CCSER1: variants seen among roughly 807,000 people sequenced by gnomAD.
The protein encoded by CCSER1 is serine-rich coiled-coil domain-containing protein 1.
A neutral mutation model predicts 82.0 loss-of-function variants in CCSER1; 41 were observed. The observed-to-expected ratio is 0.50, with a 90% CI of 0.39 to 0.65. The LOEUF is 0.65. Ranked by LOEUF, CCSER1 falls within the 30% of genes least tolerant of loss-of-function variation. The pLI is 0.00. For missense variants in CCSER1, 1,119 were observed against 1,064.2 expected, an observed-to-expected ratio of 1.05 and a Z score of -0.72; for synonymous variants, 414 against 383.9, an observed-to-expected ratio of 1.08 and a Z score of -0.92.
At chr4:91,430,827 G>A (rs539437871) in intron 10 of CCSER1, among the ~76,000 whole-genome samples, 81 of 152,164 alleles carry the variant, frequency 5.3e-4, no homozygotes, top group South Asian at 4.1e-4. Flanking sequence ...TACATACCAC[G>A]ACTTTTTAGT....
intron 10 of CCSER1, among the ~76,000 whole-genome samples, chr4:91,456,957 G>C (rs981153705): frequency 6.6e-6 from 1 of 151,958 alleles, no homozygotes; most frequent in East Asian, 1.9e-4. Flanking sequence ...TCATATACCT[G>C]TATCATAATC....
intron 4 of CCSER1, among the ~76,000 whole-genome samples, chr4:90,432,243 T>G (rs1758373177): frequency 6.6e-6 from 1 of 152,136 alleles, no homozygotes; most frequent in African/African-American, 2.4e-5. Context: ...AAAGTCTTAA[T>G]CAGAGGCAGT....
At position 91,320,197 on chromosome 4, in the gene CCSER1, A is replaced by G. The variant is rs974701508; in HGVS notation, c.2217+234203A>G. Among the ~76,000 whole-genome samples, 6 of 152,068 alleles carry G rather than the reference A, an allele frequency of 3.9e-5. 1 individual carries two copies. In the East Asian group the frequency reaches 1.2e-3, roughly 29 times the overall value. ...CTGGCTTTGTAAAGTGCTTCAAATGAAAAGGTGAAGGTTCTTGGCTCATAA... is the reference window on the plus strand; with the variant it reads ...CTGGCTTTGTAAAGTGCTTCAAATGGAAAGGTGAAGGTTCTTGGCTCATAA... On this transcript the variant is annotated intron_variant, in intron 10 of 10. Transcript: ENST00000509176.
intron 10 of CCSER1, among the ~76,000 whole-genome samples, chr4:91,100,811 A>G (rs1301403371): frequency 6.6e-6 from 1 of 152,190 alleles, no homozygotes; most frequent in Non-Finnish European, 1.5e-5. Flanking sequence ...CTGACCTTCC[A>G]AGAAATGACC....
At chr4:90,954,612 C>G (rs536669395) in intron 9 of CCSER1, among the ~76,000 whole-genome samples, 3 of 152,194 alleles carry the variant, frequency 2.0e-5, no homozygotes, top group African/African-American at 7.2e-5. Context: ...GTGCTTTCAG[C>G]TTCCACTTAG....
intron 1 of CCSER1, among the ~76,000 whole-genome samples, chr4:90,169,197 T>G (rs1475434844): frequency 6.6e-6 from 1 of 152,054 alleles, no homozygotes; most frequent in Non-Finnish European, 1.5e-5. Context: ...TTCACATCCC[T>G]TGTAAGTTGG....
chr4:91,318,184 T>C (rs1745959985), intron 10 of CCSER1, among the ~76,000 whole-genome samples: 1 of 151,906 alleles, frequency 6.6e-6, no homozygotes. Flanking sequence ...ATATACTGAG[T>C]AAACAAAGAA....
chr4:90,404,346 C>T (rs977072784), intron 4 of CCSER1, among the ~76,000 whole-genome samples: 2 of 152,156 alleles, frequency 1.3e-5, no homozygotes. Flanking sequence ...CTCAGAAATG[C>T]CTATCCCTAC....
intron 3 of CCSER1, among the ~76,000 whole-genome samples, chr4:90,387,236 T>TA (rs1165633262): frequency 7.3e-5 from 11 of 151,516 alleles, no homozygotes; most frequent in African/African-American, 2.2e-4. Context: ...AAGCAATGAT[T>TA]AAAAAAAAAC....
chr4:90,533,450 C>T (rs903706544), intron 5 of CCSER1, among the ~76,000 whole-genome samples: 1 of 152,202 alleles, frequency 6.6e-6, no homozygotes, highest in Non-Finnish European at 1.5e-5. Flanking sequence ...CCATAATTCT[C>T]TGATCAGATG....
chr4:90,584,604 A>G (rs1053345202), intron 5 of CCSER1, among the ~76,000 whole-genome samples: 2 of 152,162 alleles, frequency 1.3e-5, no homozygotes, highest in Non-Finnish European at 2.9e-5. Flanking sequence ...TAAAGCACTA[A>G]CTTGTGATAA....
chr4:91,099,288 C>A (rs1354096342), intron 10 of CCSER1, among the ~76,000 whole-genome samples: 1 of 152,084 alleles, frequency 6.6e-6, no homozygotes, highest in African/African-American at 2.4e-5. Context: ...TAGAATTTTT[C>A]AGTGGTTTGG....
intron 10 of CCSER1, among the ~76,000 whole-genome samples, chr4:91,558,746 T>C (rs1464078209): frequency 6.6e-6 from 1 of 151,552 alleles, no homozygotes. Context: ...TTATTCACTA[T>C]ACGAGAGTAG....
intron 6 of CCSER1, among the ~76,000 whole-genome samples, chr4:90,691,703 A>G (rs1042674786): frequency 1.7e-4 from 26 of 149,524 alleles, no homozygotes; most frequent in African/African-American, 6.4e-4. Context: ...ACACACATAT[A>G]TGTTATTTTA....
intron 8 of CCSER1, among the ~76,000 whole-genome samples, chr4:90,882,512 C>G (rs1721489814): frequency 6.6e-6 from 1 of 151,888 alleles, no homozygotes; most frequent in Non-Finnish European, 1.5e-5. Context: ...CTGTCTATAT[C>G]ATAAGGCTGC....
At chr4:90,412,985 C>A (rs1755131326) in intron 4 of CCSER1, among the ~76,000 whole-genome samples, 1 of 152,102 alleles carries the variant, frequency 6.6e-6, no homozygotes. Context: ...TAAAGAGCAT[C>A]CAAATCAGTA....
intron 7 of CCSER1, among the ~76,000 whole-genome samples, chr4:90,810,839 T>TTTTC (rs1758178670): frequency 7.1e-6 from 1 of 141,298 alleles, no homozygotes; most frequent in Non-Finnish European, 1.5e-5. Flanking sequence ...ATTCTTTTTT[T>TTTTC]TTTTTTTTTT....
chr4:90,935,654 T>G (rs192343650), intron 9 of CCSER1, among the ~76,000 whole-genome samples: 1 of 152,254 alleles, frequency 6.6e-6, no homozygotes, highest in African/African-American at 2.4e-5. Flanking sequence ...TTAAATGGCA[T>G]TATAGTAAGA....
intron 9 of CCSER1, among the ~76,000 whole-genome samples, chr4:91,022,597 A>C (rs1425246893): frequency 1.3e-5 from 2 of 152,176 alleles, no homozygotes; most frequent in Non-Finnish European, 2.9e-5. Flanking sequence ...TGACTTCCAC[A>C]ATGGTTGAAC....
Sources: allele counts gnomAD v4.1 joint callset (sites outside exome capture counted in the v4.1 genomes callset), GRCh38; gene constraint gnomAD v4.1.1; transcripts MANE v1.5; gene names NCBI Gene and HGNC (gene_info 2026-07-23, HGNC 2026-07-21).